Variants in FRYL observed in about 807,000 individuals in gnomAD.
FRYL encodes FRY like transcription coactivator.
In FRYL, 150 loss-of-function variants were observed where a neutral mutation model predicts 351.2. That is an observed-to-expected ratio of 0.43 (90% CI 0.37 to 0.49). FRYL has a LOEUF of 0.49. Among genes scored for constraint, FRYL ranks in the 20% least tolerant of loss-of-function variants. FRYL has a pLI of 0.00. For synonymous variants in FRYL, 1,153 were observed against 1,257.1 expected (o/e 0.92, Z 1.75); for missense variants, 3,036 against 3,619.3 (o/e 0.84, Z 4.13).
chr4:48,582,397 T>C (rs1252487731), intron 20 of FRYL, 100 bp downstream of exon 20: 1 of 753,742 alleles, frequency 1.3e-6, no homozygotes, highest in Admixed American at 2.5e-5. Context: ...ATAGAACTAA[T>C]AATACTTTTA....
chr4:48,655,335 C>T (rs1349259600), intron 3 of FRYL, among the ~76,000 whole-genome samples: 2 of 152,074 alleles, frequency 1.3e-5, no homozygotes, highest in East Asian at 1.9e-4. Flanking sequence ...GGATACATCG[C>T]GATTAGAGAC....
intron 7 of FRYL, among the ~76,000 whole-genome samples, chr4:48,614,311 T>C (rs1748882501): frequency 6.6e-6 from 1 of 152,210 alleles, no homozygotes; most frequent in Non-Finnish European, 1.5e-5. Context: ...GAAAACGTTC[T>C]ACTTTCATGG....
At chr4:48,741,614 T>G (rs1772084287) in intron 1 of FRYL, among the ~76,000 whole-genome samples, 1 of 152,126 alleles carries the variant, frequency 6.6e-6, no homozygotes, top group Non-Finnish European at 1.5e-5. Flanking sequence ...GAGGATCACC[T>G]GAGCCTAGGA....
At chr4:48,771,381 G>C (rs1775490422) in intron 1 of FRYL, among the ~76,000 whole-genome samples, 1 of 152,180 alleles carries the variant, frequency 6.6e-6, no homozygotes, top group Admixed American at 6.5e-5. Context: ...CAATCTCATA[G>C]TGCTTTAAGA....
At chr4:48,699,982 G>A (rs1766566987) in intron 2 of FRYL, among the ~76,000 whole-genome samples, 1 of 152,208 alleles carries the variant, frequency 6.6e-6, no homozygotes. Flanking sequence ...AAATTTAAGT[G>A]CTCTAAAAAC....
chr4:48,581,936 G>T (rs1741014881), intron 20 of FRYL, among the ~76,000 whole-genome samples: 2 of 152,152 alleles, frequency 1.3e-5, no homozygotes, highest in African/African-American at 4.8e-5. Context: ...TGGACCAGCA[G>T]CCTGGCAATA....
intron 1 of FRYL, among the ~76,000 whole-genome samples, chr4:48,766,741 C>CTTCA (rs1164267456): frequency 2.6e-5 from 4 of 152,078 alleles, no homozygotes; most frequent in Non-Finnish European, 5.9e-5. Context: ...AGAACAAAGG[C>CTTCA]TTCATTCTTT....
intron 7 of FRYL, among the ~76,000 whole-genome samples, chr4:48,613,520 A>C (rs1748673420): frequency 6.6e-6 from 1 of 152,170 alleles, no homozygotes; most frequent in African/African-American, 2.4e-5. Context: ...TACCACCATC[A>C]ACATTTTCTA....
At chr4:48,654,091 A>G (rs1451179575) in intron 3 of FRYL, among the ~76,000 whole-genome samples, 3 of 152,112 alleles carry the variant, frequency 2.0e-5, no homozygotes, top group African/African-American at 7.2e-5. Context: ...CATGGCCAAG[A>G]TTATCTTCTT....
chr4:48,554,689 A>G (rs779294940), intron 35 of FRYL, among the ~76,000 whole-genome samples: 28 of 152,044 alleles, frequency 1.8e-4, no homozygotes, highest in Non-Finnish European at 3.4e-4. Context: ...ATGGCTCTTT[A>G]CTCCATCCAA....
At chr4:48,616,578 AGG>A (rs1470467448) in intron 7 of FRYL, among the ~76,000 whole-genome samples, 9 of 152,186 alleles carry the variant, frequency 5.9e-5, no homozygotes, top group African/African-American at 2.2e-4. Flanking sequence ...GCCATCTCCC[AGG>A]GTTTATTACA....
intron 34 of FRYL, 69 bp from the exon 35 acceptor site, chr4:48,557,187 C>T (rs1051448587): frequency 2.7e-6 from 4 of 1,505,452 alleles, no homozygotes; most frequent in African/African-American, 2.8e-5. Flanking sequence ...CTTGTCATAC[C>T]ATGAAATATT....
chr4:48,654,170 C>G (rs1758301202), intron 3 of FRYL, among the ~76,000 whole-genome samples: 1 of 151,876 alleles, frequency 6.6e-6, no homozygotes, highest in South Asian at 2.1e-4. Context: ...TGCTAGTAAA[C>G]AGACAAGGGT....
chr4:48,743,311 A>G (rs1560343409), intron 1 of FRYL, among the ~76,000 whole-genome samples: 1 of 152,188 alleles, frequency 6.6e-6, no homozygotes, highest in African/African-American at 2.4e-5. Context: ...AATCAGAACT[A>G]TAACAATTAC....
At chr4:48,502,723 T>C (rs1330232263) in intron 61 of FRYL, 105 bp downstream of exon 61, 14 of 822,708 alleles carry the variant, frequency 1.7e-5, no homozygotes, top group African/African-American at 8.6e-5. Context: ...ACTTGTAAAG[T>C]AGTCCACGAG....
intron 2 of FRYL, among the ~76,000 whole-genome samples, chr4:48,701,393 T>C (rs539797059): frequency 6.6e-6 from 1 of 152,286 alleles, no homozygotes; most frequent in East Asian, 1.9e-4. Flanking sequence ...GTATGCAGTA[T>C]AGTTACACAA....
chr4:48,666,369 A>T (rs1761715378), intron 3 of FRYL, among the ~76,000 whole-genome samples: 1 of 149,466 alleles, frequency 6.7e-6, no homozygotes, highest in Admixed American at 6.8e-5. Context: ...TCAGTCTCAA[A>T]AAATAAATAA....
chr4:48,653,647 C>T, intron 3 of FRYL: 1 of 1,061,546 alleles, frequency 9.4e-7, no homozygotes, highest in Non-Finnish European at 1.3e-6. Flanking sequence ...GAAGAATCAG[C>T]ATGCAAGGAA....
In FRYL at chr4:48,546,082, T is replaced by A. The variant is rs561531281; in HGVS notation, c.5264A>T (p.Glu1755Val). ...CCAGTGTTACCTTGAGGTAATGAAT[T>A]CCATGAGGGTTTTGACTTTTCCATC... ...EQDGKVKTLM[E>V]FITSRKRGPL... The change falls in exon 42 of 64, where the codon GAA becomes GTA. Residue 1755 changes from glutamate to valine, a missense_variant. Physicochemically the swap from Glu to Val is moderately radical, Grantham distance 121. This residue lies in a region of FRYL where 1,987 missense variants were observed against 2,311.7 expected (regional missense o/e 0.86). Transcript: ENST00000358350. The A allele has an allele frequency of 1.2e-5, 19 of 1,613,138 alleles. No individual in the cohort carries two copies. The highest frequency in any genetic ancestry group is 1.5e-5 in the Non-Finnish European group (18 of 1,179,552).
Sources: allele counts gnomAD v4.1 joint callset (sites outside exome capture counted in the v4.1 genomes callset), GRCh38; gene constraint gnomAD v4.1.1; regional missense constraint gnomAD v4.1.1; transcripts MANE v1.5; gene names NCBI Gene and HGNC (gene_info 2026-07-23, HGNC 2026-07-21).